The following ST18 variants were observed in gnomAD, a reference collection of about 807,000 sequenced individuals.
ST18 encodes the protein suppression of tumorigenicity 18 protein.
A neutral mutation model predicts 110.0 loss-of-function variants in ST18; 50 were observed. The ratio of observed to expected loss-of-function variants is 0.45; its 90% CI spans 0.36 to 0.58. The LOEUF (loss-of-function observed/expected upper bound fraction) is 0.58, where lower values mean the gene tolerates loss of function less well. ST18 is among the 20% of genes least tolerant of loss of function. The pLI is 0.00. For synonymous variants in ST18, 461 were observed against 452.4 expected (o/e 1.02, Z -0.24); for missense variants, 1,306 against 1,280.1 (o/e 1.02, Z -0.31).
rs377203606 is a variant in ST18, at chr8:52,389,926, CCAA to C, written c.-465+19399_-465+19401del. On this transcript the variant is annotated intron_variant, in intron 2 of 25. Transcript: ENST00000689386. ...TTGTGCATTTTTCCGTATATTTACT[CCAA>C]CAACAACAACAACAACAACAACAAA... Among the ~76,000 whole-genome samples the C allele has an allele frequency of 1.0e-3, 152 of 151,940 alleles. No individual in the cohort carries two copies. In the Middle Eastern group the frequency reaches 0.01, roughly 10 times the overall value.
chr8:52,257,679 T>C (rs2094567324), intron 2 of ST18, among the ~76,000 whole-genome samples: 1 of 152,218 alleles, frequency 6.6e-6, no homozygotes, highest in Non-Finnish European at 1.5e-5. Context: ...ATATGTATTC[T>C]AGATACAAGT....
In ST18 at chr8:52,316,805, A is replaced by G. The variant is rs79769986; in HGVS notation, c.-464-86728T>C. 5.3e-4 allele frequency among the ~76,000 whole-genome samples: 80 copies of G among 152,300 alleles called. No individual in the cohort carries two copies. In the East Asian group the frequency reaches 0.014, roughly 26 times the overall value. ...TGGTATATCTTCTCTTGAATATATTACATCTTTAAACTTCTTATTTTACTG... is the reference window on the plus strand; with the variant it reads ...TGGTATATCTTCTCTTGAATATATTGCATCTTTAAACTTCTTATTTTACTG... On this transcript the variant is annotated intron_variant, in intron 2 of 25. Coordinates refer to ENST00000689386, the MANE Select transcript of ST18 (RefSeq NM_001352837.2).
At chr8:52,240,647 C>G (rs1323158075) in intron 2 of ST18, among the ~76,000 whole-genome samples, 1 of 152,112 alleles carries the variant, frequency 6.6e-6, no homozygotes, top group Admixed American at 6.5e-5. Context: ...CACATTTCTT[C>G]TTTATATATT....
In ST18 at chr8:52,122,687, A is replaced by T. The variant is rs138953893; in HGVS notation, c.2755+3365T>A. ...TATTTTTATTAGAGATGGGGTTTCAACATGTTGGCCAGGCTAGTCTTGAAC... is the reference window on the plus strand; with the variant it reads ...TATTTTTATTAGAGATGGGGTTTCATCATGTTGGCCAGGCTAGTCTTGAAC... On this transcript the variant is annotated intron_variant, in intron 23 of 25. Transcript: ENST00000689386. Among the ~76,000 whole-genome samples, 698 of 151,896 alleles carry T rather than the reference A, an allele frequency of 4.6e-3. 9 individuals are homozygous for T. Among genetic ancestry groups the T allele is most frequent in the African/African-American group, 0.016 (647 of 41,436 alleles).
In ST18 at chr8:52,116,722, C is replaced by T. The variant is rs561453655; in HGVS notation, c.2860-304G>A. The stretch of plus-strand genomic sequence containing the variant: ...AACTTTGCTATTTTCCCCAAACTTG[C>T]TCCATCCGCTGTCTCCCTTTTCCAG... On this transcript the variant is annotated intron_variant, in intron 24 of 25. Coordinates refer to ENST00000689386, the MANE Select transcript of ST18 (RefSeq NM_001352837.2). Among the ~76,000 whole-genome samples the T allele has an allele frequency of 6.6e-5, 10 of 152,332 alleles. No individual in the cohort carries two copies. In the East Asian group the frequency reaches 1.7e-3, roughly 26 times the overall value.
intron 2 of ST18, among the ~76,000 whole-genome samples, chr8:52,382,382 A>G (rs1412793200): frequency 6.6e-6 from 1 of 152,010 alleles, no homozygotes; most frequent in Non-Finnish European, 1.5e-5. Flanking sequence ...AAAAATAAGA[A>G]GCAAAAATAA....
At chr8:52,222,798 A>ATG (rs2087434158) in intron 3 of ST18, among the ~76,000 whole-genome samples, 1 of 152,186 alleles carries the variant, frequency 6.6e-6, no homozygotes, top group Non-Finnish European at 1.5e-5. Context: ...GATCTTAAAT[A>ATG]TGTTATGAGG....
intron 2 of ST18, among the ~76,000 whole-genome samples, chr8:52,297,399 CT>C (rs1248692909): frequency 6.6e-6 from 1 of 152,190 alleles, no homozygotes; most frequent in Non-Finnish European, 1.5e-5. Flanking sequence ...ATGGTACAAT[CT>C]TTTTTTAAAA....
At chr8:52,183,743 T>C (rs1429152745) in intron 8 of ST18, among the ~76,000 whole-genome samples, 3 of 152,210 alleles carry the variant, frequency 2.0e-5, no homozygotes, top group African/African-American at 7.2e-5. Context: ...CACTGGCTAA[T>C]GCAGCATCGC....
intron 2 of ST18, among the ~76,000 whole-genome samples, chr8:52,269,915 C>T (rs6473698): frequency 0.039 from 5,882 of 152,206 alleles, 397 homozygotes; most frequent in African/African-American, 0.13. Context: ...GAAACTCTTC[C>T]AAGTGAGTCT....
chr8:52,192,841 A>T (rs148763060), intron 8 of ST18, among the ~76,000 whole-genome samples: 244 of 152,306 alleles, frequency 1.6e-3, no homozygotes, highest in African/African-American at 5.6e-3. Context: ...GTCCTATTCA[A>T]CTTTGAGCTC....
At chr8:52,189,503 C>T (rs1013418288) in intron 8 of ST18, among the ~76,000 whole-genome samples, 1 of 152,124 alleles carries the variant, frequency 6.6e-6, no homozygotes, top group Non-Finnish European at 1.5e-5. Flanking sequence ...CAATGAAAAT[C>T]GATGATTCTT....
chr8:52,204,090 C>T (rs1333006072), intron 8 of ST18, among the ~76,000 whole-genome samples: 2 of 152,154 alleles, frequency 1.3e-5, no homozygotes, highest in Non-Finnish European at 2.9e-5. Context: ...TCAAACACTT[C>T]TAAGAGGTAA....
rs557224780 is a variant in ST18, at chr8:52,151,926, G to C, written c.1807-1949C>G. ...CAAAACCCATAAATAGTGCAGATTC[G>C]ATTTCTCTGAAAAATATCAACTCTT... On this transcript the variant is annotated intron_variant, in intron 15 of 25. Transcript: ENST00000689386. 1.4e-3 allele frequency among the ~76,000 whole-genome samples: 207 copies of C among 152,264 alleles called. 1 individual carries two copies. Among genetic ancestry groups the C allele is most frequent in the Admixed American group, 3.4e-3 (52 of 15,296 alleles).
rs564180698 is a variant in ST18 at position 52,150,025 on chromosome 8, C to T, written c.1807-48G>A. On this transcript the variant is annotated intron_variant, in intron 15 of 25. Coordinates refer to ENST00000689386, the MANE Select transcript of ST18 (RefSeq NM_001352837.2). The stretch of plus-strand genomic sequence containing the variant: ...AAAACATTTAAGCAGTTTGCAGTTA[C>T]AGCCTAGCCATGTGGGGCTTTTAAG... The T allele has an allele frequency of 3.0e-5, 47 of 1,569,226 alleles. No homozygotes were observed. In the South Asian group the frequency reaches 5.1e-4, roughly 17 times the overall value.
chr8:52,378,071 T>A (rs1481893393), intron 2 of ST18, among the ~76,000 whole-genome samples: 1 of 152,082 alleles, frequency 6.6e-6, no homozygotes, highest in African/African-American at 2.4e-5. Context: ...TGGGAACTCA[T>A]GGAGATAGAG....
At chr8:52,310,361 TA>T (rs1332862066) in intron 2 of ST18, among the ~76,000 whole-genome samples, 1 of 150,166 alleles carries the variant, frequency 6.7e-6, no homozygotes, top group Non-Finnish European at 1.5e-5. Flanking sequence ...ATTATAAACA[TA>T]ATGAGCACTG....
At chr8:52,360,718 A>G (rs1289289333) in intron 2 of ST18, among the ~76,000 whole-genome samples, 1 of 152,156 alleles carries the variant, frequency 6.6e-6, no homozygotes, top group Non-Finnish European at 1.5e-5. Flanking sequence ...TTAGAAGGAA[A>G]ATGTCACCCA....
chr8:52,140,547 T>TGATA (rs56988793), intron 17 of ST18, among the ~76,000 whole-genome samples: 3,841 of 147,432 alleles, frequency 0.026, 63 homozygotes, highest in African/African-American at 0.044. Context: ...AGATGATAGA[T>TGATA]GATAGATAGA....
Sources: gnomAD v4.1 joint callset for allele counts (sites outside exome capture counted in the v4.1 genomes callset) on GRCh38, gnomAD v4.1.1 for gene constraint, MANE v1.5 for transcripts, NCBI Gene and HGNC (gene_info 2026-07-23, HGNC 2026-07-21) for gene names.